The following SYNE1 variants were observed in gnomAD, a reference collection of about 807,000 sequenced individuals.
SYNE1 encodes nesprin-1.
In SYNE1, 616 loss-of-function variants were observed where a neutral mutation model predicts 1,111.0. The observed-to-expected ratio is 0.55, with a 90% confidence interval of 0.52 to 0.59. The LOEUF (loss-of-function observed/expected upper bound fraction) is 0.59. SYNE1 is among the 20% of genes least tolerant of loss of function. SYNE1 has a pLI of 0.00. For missense variants in SYNE1, 10,006 were observed against 10,417.0 expected, an observed-to-expected ratio of 0.96 and a Z score of 1.72; for synonymous variants, 3,855 against 3,825.8, an observed-to-expected ratio of 1.01 and a Z score of -0.28.
chr6:152,618,593 T>A (rs1465754715), intron 3 of SYNE1, among the ~76,000 whole-genome samples: 2 of 152,184 alleles, frequency 1.3e-5, no homozygotes, highest in Non-Finnish European at 2.9e-5. Flanking sequence ...GACCACTGTT[T>A]ACTAAATATG....
chr6:152,591,262 C>T (rs999552812), intron 3 of SYNE1, among the ~76,000 whole-genome samples: 2 of 152,258 alleles, frequency 1.3e-5, no homozygotes, highest in South Asian at 2.1e-4. Flanking sequence ...TTAAACTATA[C>T]TATACAGCCA....
intron 47 of SYNE1, 31 bp downstream of exon 47, chr6:152,401,107 T>G (rs942527910): frequency 6.2e-7 from 1 of 1,600,812 alleles, no homozygotes; most frequent in Admixed American, 1.7e-5. Flanking sequence ...ACCATTTGAA[T>G]GGAAGCACTT....
At chr6:152,324,622 G>A (rs1172188745) in intron 81 of SYNE1, among the ~76,000 whole-genome samples, 2 of 151,928 alleles carry the variant, frequency 1.3e-5, no homozygotes, top group South Asian at 2.1e-4. Context: ...GTGAAACCTC[G>A]TCTCTAATAA....
At chr6:152,161,952 C>A (rs973686726) in intron 131 of SYNE1, among the ~76,000 whole-genome samples, 2 of 152,176 alleles carry the variant, frequency 1.3e-5, no homozygotes, top group African/African-American at 2.4e-5. Context: ...TGGTATTGAG[C>A]CAGTCACATC....
intron 6 of SYNE1, among the ~76,000 whole-genome samples, chr6:152,514,009 A>G (rs924437524): frequency 6.6e-6 from 1 of 152,234 alleles, no homozygotes; most frequent in Admixed American, 6.5e-5. Context: ...GAGAAGTAGG[A>G]ACGCATTTAC....
At chr6:152,585,216 C>T (rs1271860512) in intron 3 of SYNE1, among the ~76,000 whole-genome samples, 2 of 152,198 alleles carry the variant, frequency 1.3e-5, no homozygotes, top group Non-Finnish European at 2.9e-5. Context: ...TGTTAAGTTT[C>T]CTGAGGCCTC....
intron 3 of SYNE1, among the ~76,000 whole-genome samples, chr6:152,558,799 C>G (rs2099384232): frequency 6.6e-6 from 1 of 151,976 alleles, no homozygotes; most frequent in Admixed American, 6.6e-5. Flanking sequence ...AGAAACTCAA[C>G]AAGGAAACAA....
chr6:152,352,023 C>T lies in SYNE1; in HGVS notation c.11580+4G>A. 2 of 1,613,004 alleles carry T rather than the reference C, an allele frequency of 1.2e-6. No individual in the cohort carries two copies. The highest frequency in any genetic ancestry group is 1.7e-6 in the Non-Finnish European group (2 of 1,179,306). On this transcript the variant is annotated splice_donor_region_variant and intron_variant, in intron 70 of 145. Coordinates refer to ENST00000367255, the MANE Select transcript of SYNE1 (RefSeq NM_182961.4). ...ATGCATCTGTCAATGAGTAAACACA[C>T]TACCTTGTATTTAGATAACTGAGCT... is the stretch of plus-strand genomic sequence containing the variant.
At chr6:152,635,081 GA>G (rs1414664767) in intron 2 of SYNE1, among the ~76,000 whole-genome samples, 4 of 152,204 alleles carry the variant, frequency 2.6e-5, no homozygotes, top group Non-Finnish European at 4.4e-5. Flanking sequence ...ATAGTTATCA[GA>G]AAGTAGGCCC....
intron 133 of SYNE1, among the ~76,000 whole-genome samples, chr6:152,153,789 C>T (rs2060866186): frequency 6.6e-6 from 1 of 152,188 alleles, no homozygotes. Context: ...CATATGAATT[C>T]ATTCACCATT....
At chr6:152,374,212 G>T (rs567120743) in intron 58 of SYNE1, among the ~76,000 whole-genome samples, 1 of 152,158 alleles carries the variant, frequency 6.6e-6, no homozygotes, top group Non-Finnish European at 1.5e-5. Flanking sequence ...CTTTCATGTG[G>T]CTAGAGCTCA....
chr6:152,187,924 C>T (rs1056587117), intron 128 of SYNE1, among the ~76,000 whole-genome samples: 25 of 152,224 alleles, frequency 1.6e-4, no homozygotes, highest in African/African-American at 5.5e-4. Context: ...CAGGGTTTCA[C>T]CATGTTGGCC....
At chr6:152,246,168 T>G (rs879548448) in intron 105 of SYNE1, among the ~76,000 whole-genome samples, 2 of 152,172 alleles carry the variant, frequency 1.3e-5, no homozygotes, top group African/African-American at 2.4e-5. Flanking sequence ...TCATGTTCCA[T>G]CCACACACAG....
chr6:152,489,168 C>T (rs2098956712), intron 11 of SYNE1, among the ~76,000 whole-genome samples: 1 of 152,064 alleles, frequency 6.6e-6, no homozygotes, highest in African/African-American at 2.4e-5. Context: ...TGACAAGGGC[C>T]ATTCTATAAT....
rs148240825 is a variant in SYNE1 at position 152,211,529 on chromosome 6, C to T, written c.22554G>A (p.Gly7518=). ...QQILHSIIID[G]QRLLEQGQVD... ...CTTGACCTTGTTCTAGAAGACGTTG[C>T]CCATCAATAATGATTGAGTGCAAAA... The change falls in exon 124 of 146, where the codon GGG becomes GGA. Residue 7518 remains glycine, a synonymous_variant. Coordinates refer to ENST00000367255, the MANE Select transcript of SYNE1 (RefSeq NM_182961.4). The T allele has an allele frequency of 1.4e-3, 2,316 of 1,613,734 alleles. 3 individuals are homozygous for T. Among genetic ancestry groups the T allele is most frequent in the Non-Finnish European group, 1.9e-3 (2,192 of 1,179,796 alleles).
intron 55 of SYNE1, 52 bp from the exon 56 acceptor site, chr6:152,381,414 TG>T: frequency 5.0e-6 from 8 of 1,585,448 alleles, no homozygotes; most frequent in Non-Finnish European, 6.9e-6. Flanking sequence ...TCACTTGGAC[TG>T]CAAGTTTTCA....
intron 3 of SYNE1, among the ~76,000 whole-genome samples, chr6:152,552,167 T>G (rs1399058592): frequency 6.6e-6 from 1 of 152,230 alleles, no homozygotes; most frequent in African/African-American, 2.4e-5. Flanking sequence ...ACAGTGTTCG[T>G]ATATTTTATG....
chr6:152,433,996 A>C, intron 33 of SYNE1, 51 bp from the exon 34 acceptor site: 1 of 1,484,378 alleles, frequency 6.7e-7, no homozygotes, highest in Non-Finnish European at 9.3e-7. Flanking sequence ...AATAGAGAAC[A>C]ACAACACATT....
In SYNE1 at chr6:152,122,500, G is replaced by C. The variant is rs377446250; in HGVS notation, c.26330C>G (p.Ser8777Cys). The C allele has an allele frequency of 1.4e-4, 226 of 1,614,072 alleles. No homozygotes were observed. The highest frequency in any genetic ancestry group is 1.8e-4 in the Non-Finnish European group (215 of 1,180,052). The stretch of plus-strand genomic sequence containing the variant: ...GTGGAATGACCGGGCAAAGTTGTTG[G>C]AGAGGGCACAGCTGTAGTCTTCCTC... ...MSEEDYSCALSNNFARSFHPM... is the reference protein window; with the variant it reads ...MSEEDYSCALCNNFARSFHPM... Residue 8777 changes from serine to cysteine, a missense_variant, in exon 146 of 146, where the codon TCC (serine) becomes TGC (cysteine). Around this residue, in one of 7 missense-constraint regions of SYNE1, gnomAD observed 761 missense variants for 795.5 expected, o/e 0.96. Transcript: ENST00000367255.
Sources: allele counts gnomAD v4.1 joint callset (sites outside exome capture counted in the v4.1 genomes callset), GRCh38; gene constraint gnomAD v4.1.1; regional missense constraint gnomAD v4.1.1; transcripts MANE v1.5; gene names NCBI Gene and HGNC (gene_info 2026-07-23, HGNC 2026-07-21).